Variants in RIF1 observed in about 807,000 individuals in gnomAD.
RIF1 encodes telomere-associated protein RIF1.
Under a neutral mutation model 247.1 loss-of-function variants are expected in RIF1, and 45 were observed. That is an observed-to-expected ratio of 0.18 (90% CI 0.14 to 0.23). The LOEUF (loss-of-function observed/expected upper bound fraction) is 0.23. Ranked by LOEUF, RIF1 falls within the 10% of genes least tolerant of loss-of-function variation. RIF1 has a pLI of 1.00. For synonymous variants in RIF1, 1,087 were observed against 978.8 expected (o/e 1.11, Z -2.06); for missense variants, 2,967 against 2,862.5 (o/e 1.04, Z -0.83).
chr2:151,489,919 C>T (rs1489623283), intron 9 of RIF1: 48 of 1,370,204 alleles, frequency 3.5e-5, no homozygotes, highest in Non-Finnish European at 4.6e-5. Flanking sequence ...ATCATGTTTG[C>T]ACATATCAAA....
chr2:151,504,741 A>G lies in RIF1; in HGVS notation c.*862-1469A>G, dbSNP rs73005979. ...CCTAGAATCTGCGTATGGATGGGAA[A>G]AGGGGTGGGTGCAGAGCCAGGGCTT... On this transcript the variant is annotated intron_variant and NMD_transcript_variant, in intron 12 of 13. Transcript: ENST00000454583. Among the ~76,000 whole-genome samples the G allele has an allele frequency of 4.1e-3, 624 of 152,280 alleles. 4 individuals are homozygous for G. Among genetic ancestry groups the G allele is most frequent in the African/African-American group, 0.014 (595 of 41,560 alleles).
intron 11 of RIF1, 46 bp from the exon 12 acceptor site, chr2:151,436,781 T>TA: frequency 7.1e-7 from 1 of 1,408,950 alleles, no homozygotes; most frequent in Non-Finnish European, 9.5e-7. Context: ...GTAGCTAATA[T>TA]AAAATGAGCT....
Position 151,462,392 on chromosome 2 carries a change from C to T in RIF1, c.3309-20C>T. ...TTCAAATAATTATAAAAATAATATT[C>T]TTACTAATATTTATTTCAGGGAAAT... On this transcript the variant is annotated intron_variant, in intron 28 of 35. Transcript: ENST00000444746. The T allele has an allele frequency of 6.8e-7, 1 of 1,469,628 alleles. No homozygotes were observed. 91.0% of individuals were successfully genotyped at this position (1,469,628 alleles called of 1,614,324 possible).
chr2:151,514,745 G>A, the RIF1 span: 1 of 1,089,376 alleles, frequency 9.2e-7, no homozygotes. Flanking sequence ...AATGGTAGGA[G>A]GAACACATTA....
chr2:151,451,841 C>G (rs2152438843), intron 21 of RIF1, 136 bp downstream of exon 21: 2 of 564,646 alleles, frequency 3.5e-6, no homozygotes, highest in Admixed American at 3.1e-5. Context: ...AGTTACTATG[C>G]TAGGAGCTTT....
Position 151,446,464 on chromosome 2 carries a change from A to G in RIF1, c.2133A>G (p.Leu711=). ...MKTLLRTWSE[L]YRAFARCAAL... ...CTTTGCTTAGAACTTGGTCAGAATT[A>G]TATAGAGCATTTGCTCGTTGTGCTG... The change falls in exon 20 of 36, where the codon TTA becomes TTG. Residue 711 remains leucine (L), a synonymous_variant. Transcript: ENST00000444746. 1.2e-6 allele frequency: 2 copies of G among 1,614,116 alleles called. No individual in the cohort carries two copies. The highest frequency in any genetic ancestry group is 1.7e-6 in the Non-Finnish European group (2 of 1,180,020).
downstream of RIF1, among the ~76,000 whole-genome samples, chr2:151,511,322 T>A (rs1400736849): frequency 6.6e-6 from 1 of 152,240 alleles, no homozygotes; most frequent in Non-Finnish European, 1.5e-5. Context: ...CATTTGAATA[T>A]ACCTGCTTCC....
rs113274748 is a variant in RIF1, at chr2:151,464,937, C to G, written c.5417C>G (p.Thr1806Ser). 25 of 1,572,724 alleles carry G rather than the reference C, an allele frequency of 1.6e-5. No individual in the cohort carries two copies. In the African/African-American group the frequency reaches 1.8e-4, roughly 11 times the overall value. The change falls in exon 30 of 36, where the codon ACT (threonine) becomes AGT (serine). Residue 1806 changes from threonine to serine, a missense_variant. This residue lies in a region of RIF1 where 2,028 missense variants were observed against 1,825.6 expected (regional missense o/e 1.11). Coordinates refer to ENST00000444746, the MANE Select transcript of RIF1 (RefSeq NM_018151.5). ...FHLGLKEDND[T>S]INDSLIVSET... ...TTGGGTCTCAAAGAGGATAATGATA[C>G]TATTAATGATTCATTAATTGTTTCT...
chr2:151,490,031 AGAT>A (rs764403209), intron 9 of RIF1: 2 of 1,613,736 alleles, frequency 1.2e-6, no homozygotes, highest in Non-Finnish European at 1.7e-6. Context: ...TAGCAACTGA[AGAT>A]GATCGTTGTT....
intron 9 of RIF1, chr2:151,493,301 A>C: frequency 7.3e-7 from 1 of 1,371,756 alleles, no homozygotes; most frequent in South Asian, 1.2e-5. Flanking sequence ...TATGATGTTA[A>C]AATGTTATTT....
chr2:151,513,651 C>T, the RIF1 span: 1 of 1,609,306 alleles, frequency 6.2e-7, no homozygotes, highest in East Asian at 2.2e-5. Flanking sequence ...GCATTCAGGC[C>T]TCTTCCTTTG....
In RIF1 at chr2:151,456,640, C is replaced by T. The variant is rs1172220524; in HGVS notation, c.2652+20C>T. The stretch of plus-strand genomic sequence containing the variant: ...AACAAGGTAAAAATAGACAATTCTC[C>T]ATAAACCATACTTTCATGATGAGAA... On this transcript the variant is annotated intron_variant, in intron 23 of 35. Transcript: ENST00000444746. The T allele has an allele frequency of 2.2e-6, 3 of 1,360,360 alleles. No homozygotes were observed. 84.3% of individuals were successfully genotyped at this position (1,360,360 alleles called of 1,614,324 possible). A position where few individuals can be genotyped will look rare whatever the true frequency, so the allele number is the denominator to read the frequency against.
At position 151,496,271 on chromosome 2, in the gene RIF1, A is replaced by T. The variant is rs778743839; in HGVS notation, c.*513+945A>T. On this transcript the variant is annotated intron_variant and NMD_transcript_variant, in intron 10 of 13. Coordinates refer to the RIF1 transcript ENST00000454583. ...AAGTAGTTTTTTTCTTTTCTCGCCA[A>T]GTACCGAGCTAATATTTTCTTGATT... 6 of 1,600,996 alleles carry T rather than the reference A, an allele frequency of 3.7e-6. No homozygotes were observed. In the African/African-American group the frequency reaches 6.7e-5, roughly 18 times the overall value.
At chr2:151,512,682 C>G, downstream of RIF1, 1 of 1,276,996 alleles carries the variant, frequency 7.8e-7, no homozygotes, top group Non-Finnish European at 1.1e-6. Flanking sequence ...GAAGGACTTC[C>G]ATTCTTTCAT....
intron 2 of RIF1, 30 bp downstream of exon 2, chr2:151,410,557 G>A (rs1407221091): frequency 1.3e-6 from 2 of 1,567,206 alleles, no homozygotes; most frequent in African/African-American, 1.3e-5. Flanking sequence ...GTAGCGGAGA[G>A]TGGGGCGCTC....
chr2:151,471,851 G>A (rs1056714246), intron 34 of RIF1, among the ~76,000 whole-genome samples: 4 of 152,062 alleles, frequency 2.6e-5, no homozygotes, highest in Non-Finnish European at 4.4e-5. Flanking sequence ...TTGGCAATGC[G>A]GGCTCTTTTT....
At position 151,428,931 on chromosome 2, in the gene RIF1, T is replaced by C; in HGVS notation, c.925+9T>C. The stretch of plus-strand genomic sequence containing the variant: ...TTTTGCTTTAAATCCAGGTAAGTAA[T>C]ATTTTAACAATTTTGATTTTCTGTG... On this transcript the variant is annotated intron_variant, in intron 9 of 35. Coordinates refer to ENST00000444746, the MANE Select transcript of RIF1 (RefSeq NM_018151.5). 1 of 1,413,676 alleles carries C rather than the reference T, an allele frequency of 7.1e-7. No individual in the cohort carries two copies. The allele number at this position is 1,413,676 out of a possible 1,614,324, so 87.6% of individuals were successfully genotyped here.
Position 151,411,263 on chromosome 2 carries a change from TATG to T in RIF1, c.110_112del (p.Met37del). 6.3e-7 allele frequency: 1 copy of T among 1,586,904 alleles called. No individual in the cohort carries two copies. Among genetic ancestry groups the T allele is most frequent in the Non-Finnish European group, 8.6e-7 (1 of 1,164,872 alleles). ...TGTGTTCTTCCTGCTTTTTAAGTCG[TATG>T]ACTGGAGAAGAAGGAAAAGAAGTAA... On this transcript the variant is annotated inframe_deletion, in exon 3 of 36. Transcript: ENST00000444746.
At chr2:151,427,670 C>T (rs1212916683) in intron 8 of RIF1, among the ~76,000 whole-genome samples, 1 of 152,040 alleles carries the variant, frequency 6.6e-6, no homozygotes, top group Non-Finnish European at 1.5e-5. Flanking sequence ...TCTGTAATCC[C>T]AGCACTTTGG....
Sources: allele counts gnomAD v4.1 joint callset (sites outside exome capture counted in the v4.1 genomes callset), GRCh38; gene constraint gnomAD v4.1.1; regional missense constraint gnomAD v4.1.1; transcripts MANE v1.5; gene names NCBI Gene and HGNC (gene_info 2026-07-23, HGNC 2026-07-21).